The following FAM229B variants were observed in gnomAD, a reference collection of about 807,000 sequenced individuals.
FAM229B encodes the protein family with sequence similarity 229 member B.
A neutral mutation model predicts 6.7 loss-of-function variants in FAM229B; 2 were observed. That is an observed-to-expected ratio of 0.30 (90% CI 0.12 to 0.94). The LOEUF (loss-of-function observed/expected upper bound fraction) is 0.94, where lower values mean the gene tolerates loss of function less well. FAM229B is among the 40% of genes least tolerant of loss of function. The pLI is 0.54. For missense variants in FAM229B, 93 were observed against 96.2 expected, an observed-to-expected ratio of 0.97 and a Z score of 0.14; for synonymous variants, 29 against 34.0, an observed-to-expected ratio of 0.85 and a Z score of 0.51.
intron 1 of FAM229B, among the ~76,000 whole-genome samples, chr6:112,096,546 ACT>A (rs1446333246): frequency 2.0e-5 from 3 of 152,014 alleles, no homozygotes; most frequent in African/African-American, 7.2e-5. Context: ...ACAGAGCGAG[ACT>A]CTGTCTCAAC....
intron 3 of FAM229B, among the ~76,000 whole-genome samples, chr6:112,100,343 G>A (rs145650303): frequency 6.2e-4 from 95 of 152,284 alleles, no homozygotes; most frequent in African/African-American, 2.3e-3. Flanking sequence ...GAATTGCCAC[G>A]GTATTGTCAC....
rs2213842 is a variant in FAM229B at position 112,102,607 on chromosome 6, A to G, written c.*1820A>G. 81,107 of 151,926 alleles carry G rather than the reference A, an allele frequency of 0.53. 22,122 individuals carry two copies. Among genetic ancestry groups the G allele is most frequent in the African/African-American group, 0.62 (25,635 of 41,396 alleles). 9.4% of individuals were successfully genotyped at this position (151,926 alleles called of 1,614,324 possible). ...GATCATTGAGTAGAGTCTTCAGCAA[A>G]ATATTGGCAAAGTAGGGTTAGGGTT... On this transcript the variant is annotated 3_prime_UTR_variant, in exon 4 of 4. Transcript: ENST00000368656.
Position 112,102,679 on chromosome 6 carries a change from T to A in FAM229B, c.*1892T>A, listed in dbSNP as rs1287469043. ...ACTGAAGACTACTCTGGACTTGCCC[T>A]AACAGAGTTTAAGAGCAACATTTGA... On this transcript the variant is annotated 3_prime_UTR_variant, in exon 4 of 4. Transcript: ENST00000368656. 1 of 152,170 alleles carries A rather than the reference T, an allele frequency of 6.6e-6. No individual in the cohort carries two copies. Among genetic ancestry groups the A allele is most frequent in the Non-Finnish European group, 1.5e-5 (1 of 68,044 alleles). The allele number at this position is 152,170 out of a possible 1,614,324, so 9.4% of individuals were successfully genotyped here.
chr6:112,093,264 T>C (rs1777281002), intron 1 of FAM229B, among the ~76,000 whole-genome samples: 1 of 151,988 alleles, frequency 6.6e-6, no homozygotes, highest in African/African-American at 2.4e-5. Flanking sequence ...AAAAGTAGAC[T>C]ATAGAGCAAA....
At chr6:112,088,640 A>G (rs1039459425) in intron 1 of FAM229B, among the ~76,000 whole-genome samples, 3 of 152,024 alleles carry the variant, frequency 2.0e-5, no homozygotes, top group Admixed American at 2.0e-4. Context: ...ATCTTTTGGT[A>G]ATAGGCAGCT....
rs932325112 is a variant in FAM229B at position 112,101,960 on chromosome 6, G to A, written c.*1173G>A. 23 of 152,128 alleles carry A rather than the reference G, an allele frequency of 1.5e-4. No homozygotes were observed. Among genetic ancestry groups the A allele is most frequent in the African/African-American group, 5.6e-4 (23 of 41,430 alleles). 9.4% of individuals were successfully genotyped at this position (152,128 alleles called of 1,614,324 possible). A position where few individuals can be genotyped will look rare whatever the true frequency, so the allele number is the denominator to read the frequency against. On this transcript the variant is annotated 3_prime_UTR_variant, in exon 4 of 4. Transcript: ENST00000368656. ...GGGGCATTGAGTAGAGACTCAGAAA[G>A]GTTGTACTTTCATAAGAGATCCAAA...
intron 3 of FAM229B, among the ~76,000 whole-genome samples, 199 bp from the exon 4 acceptor site, chr6:112,100,471 G>A (rs1047077737): frequency 2.6e-4 from 39 of 152,086 alleles, no homozygotes; most frequent in African/African-American, 9.2e-4. Flanking sequence ...AAATATGTAC[G>A]TCAGAGGCCA....
At chr6:112,099,129 C>G in intron 2 of FAM229B, 141 bp from the exon 3 acceptor site, 1 of 691,590 alleles carries the variant, frequency 1.4e-6, no homozygotes, top group African/African-American at 1.8e-5. Context: ...GGTGAATAAC[C>G]ATTGCACTCC....
chr6:112,093,548 A>G (rs1390050252), intron 1 of FAM229B, among the ~76,000 whole-genome samples: 3 of 152,134 alleles, frequency 2.0e-5, no homozygotes, highest in African/African-American at 7.2e-5. Context: ...AGTGAAGCCA[A>G]CTATAGCAGC....
In FAM229B at chr6:112,100,948, A is replaced by T; in HGVS notation, c.*161A>T. On this transcript the variant is annotated 3_prime_UTR_variant, in exon 4 of 4. Coordinates refer to ENST00000368656, the MANE Select transcript of FAM229B (RefSeq NM_001033564.3). ...CCGACAGAAATGTAGTCAGTAAAGC[A>T]CATGTAGTGATAGGCTATCAGTTAT... 1.6e-6 allele frequency: 1 copy of T among 619,706 alleles called. No homozygotes were observed. The allele number at this position is 619,706 out of a possible 1,614,324, so 38.4% of individuals were successfully genotyped here.
At chr6:112,090,570 ATC>A (rs1554318081) in intron 1 of FAM229B, among the ~76,000 whole-genome samples, 4 of 90,404 alleles carry the variant, frequency 4.4e-5, no homozygotes, top group Admixed American at 1.0e-4. Context: ...TGTGGTAACA[ATC>A]AACCCCAAAA....
chr6:112,102,765 A>C lies in FAM229B; in HGVS notation c.*1978A>C, dbSNP rs1479388962. On this transcript the variant is annotated 3_prime_UTR_variant, in exon 4 of 4. Transcript: ENST00000368656. ...CCAAGGGGAGAAAACCCATCAAAAT[A>C]AAAATAAAAACTACAATAAAATCCA... is the stretch of plus-strand genomic sequence containing the variant. 6.6e-6 allele frequency: 1 copy of C among 152,214 alleles called. No individual in the cohort carries two copies. Among genetic ancestry groups the C allele is most frequent in the East Asian group, 1.9e-4 (1 of 5,196 alleles). The allele number at this position is 152,214 out of a possible 1,614,324, so 9.4% of individuals were successfully genotyped here. A position where few individuals can be genotyped will look rare whatever the true frequency, so the allele number is the denominator to read the frequency against.
At chr6:112,099,501 C>T in intron 3 of FAM229B, 93 bp downstream of exon 3, 1 of 1,226,330 alleles carries the variant, frequency 8.2e-7, no homozygotes, top group Non-Finnish European at 1.1e-6. Context: ...AGAAAAAACT[C>T]TCAGCAATTC....
At chr6:112,092,573 T>C (rs894805483) in intron 1 of FAM229B, among the ~76,000 whole-genome samples, 2 of 152,056 alleles carry the variant, frequency 1.3e-5, no homozygotes, top group Non-Finnish European at 2.9e-5. Flanking sequence ...GAAAATTATG[T>C]TGTAAGAAAA....
chr6:112,098,633 T>C (rs1161509890), intron 2 of FAM229B, among the ~76,000 whole-genome samples: 4 of 152,158 alleles, frequency 2.6e-5, no homozygotes, highest in Admixed American at 6.5e-5. Context: ...ACTGTGACTA[T>C]AGAGAAGCAG....
chr6:112,099,015 G>T (rs1270968351), intron 2 of FAM229B, among the ~76,000 whole-genome samples: 16 of 152,080 alleles, frequency 1.1e-4, no homozygotes, highest in African/African-American at 3.1e-4. Context: ...AATTCCAAGG[G>T]CAGGCACGTT....
Position 112,097,171 on chromosome 6 carries a change from C to T in FAM229B, c.-45C>T, listed in dbSNP as rs1050530146. On this transcript the variant is annotated 5_prime_UTR_variant, in exon 2 of 4. Coordinates refer to ENST00000368656, the MANE Select transcript of FAM229B (RefSeq NM_001033564.3). ...CCAGTAGAAAGCATTGATTTATTCA[C>T]CTCTACAGGAATCAGACTCAGCCTC... The T allele has an allele frequency of 6.6e-6, 1 of 152,166 alleles. No individual in the cohort carries two copies. The highest frequency in any genetic ancestry group is 1.5e-5 in the Non-Finnish European group (1 of 68,034). 9.4% of individuals were successfully genotyped at this position (152,166 alleles called of 1,614,324 possible).
At position 112,095,426 on chromosome 6, in the gene FAM229B, A is replaced by G. The variant is rs114251450; in HGVS notation, c.-175-1615A>G. 6.8e-3 allele frequency among the ~76,000 whole-genome samples: 1,036 copies of G among 151,952 alleles called. 10 individuals carry two copies. Among genetic ancestry groups the G allele is most frequent in the African/African-American group, 0.024 (981 of 41,430 alleles). On this transcript the variant is annotated intron_variant, in intron 1 of 3. Coordinates refer to ENST00000368656, the MANE Select transcript of FAM229B (RefSeq NM_001033564.3). ...GTGGGTGGATCACTTGAGCCCAGGA[A>G]TTTGAGACTAGCCTGAGCAGCATGG... is the stretch of plus-strand genomic sequence containing the variant.
At chr6:112,096,147 G>C (rs1554318629) in intron 1 of FAM229B, among the ~76,000 whole-genome samples, 1 of 152,196 alleles carries the variant, frequency 6.6e-6, no homozygotes, top group Non-Finnish European at 1.5e-5. Flanking sequence ...AGTTCATGAG[G>C]TGGGCTATTG....
Sources: allele counts gnomAD v4.1 joint callset (sites outside exome capture counted in the v4.1 genomes callset), GRCh38; gene constraint gnomAD v4.1.1; transcripts MANE v1.5; gene names NCBI Gene and HGNC (gene_info 2026-07-23, HGNC 2026-07-21).